Variants in ACER1 observed in about 807,000 individuals in gnomAD.
ACER1 encodes the protein alkaline ceramidase 1.
ACER1 carries 28 observed loss-of-function variants against 24.9 expected under a neutral mutation model. The observed-to-expected ratio is 1.13, with a 90% confidence interval of 0.83 to 1.54. The LOEUF (loss-of-function observed/expected upper bound fraction) is 1.54, where lower values mean the gene tolerates loss of function less well. Among genes scored for constraint, ACER1 ranks in the 40% most tolerant of loss-of-function variants. ACER1 has a pLI of 0.00. For missense variants in ACER1, 352 were observed against 349.3 expected (o/e 1.01, Z -0.06); for synonymous variants, 132 against 131.4 (o/e 1.00, Z -0.03).
chr19:6,327,746 T>A (rs2091668292), intron 1 of ACER1, among the ~76,000 whole-genome samples: 1 of 151,872 alleles, frequency 6.6e-6, no homozygotes, highest in Admixed American at 6.6e-5. Context: ...TTTTGTGACA[T>A]GTGAAAATTA....
chr19:6,322,785 G>A (rs181449777), intron 1 of ACER1, among the ~76,000 whole-genome samples: 55 of 152,100 alleles, frequency 3.6e-4, no homozygotes, highest in African/African-American at 9.9e-4. Flanking sequence ...TCCTAATAGC[G>A]AATGAGTCTC....
intron 1 of ACER1, among the ~76,000 whole-genome samples, chr19:6,321,755 G>A (rs1451677812): frequency 6.6e-6 from 1 of 152,142 alleles, no homozygotes; most frequent in East Asian, 1.9e-4. Context: ...CTACAGACAC[G>A]TGCCACCACA....
intron 4 of ACER1, among the ~76,000 whole-genome samples, chr19:6,308,451 A>C (rs2091562298): frequency 1.3e-5 from 2 of 152,036 alleles, no homozygotes; most frequent in Admixed American, 1.3e-4. Flanking sequence ...AAAAAAAAAA[A>C]AAAAGATATT....
At chr19:6,347,117 T>A in the ACER1 span, among the ~76,000 whole-genome samples, 26 of 127,494 alleles carry the variant, frequency 2.0e-4, no homozygotes, top group African/African-American at 9.0e-4. Context: ...AAAATATATA[T>A]ATATATATAT....
chr19:6,359,689 T>A, the ACER1 span, among the ~76,000 whole-genome samples: 3 of 152,154 alleles, frequency 2.0e-5, no homozygotes, highest in African/African-American at 7.2e-5. Flanking sequence ...TAGACTCCCA[T>A]GTGGGAGGAC....
intron 1 of ACER1, among the ~76,000 whole-genome samples, chr19:6,331,218 T>C (rs981041805): frequency 2.7e-5 from 4 of 147,198 alleles, no homozygotes; most frequent in Non-Finnish European, 5.9e-5. Flanking sequence ...GACACAATCT[T>C]GGCTCACTGC....
At chr19:6,348,934 T>C in the ACER1 span, among the ~76,000 whole-genome samples, 1 of 151,962 alleles carries the variant, frequency 6.6e-6, no homozygotes, top group South Asian at 2.1e-4. Flanking sequence ...CGGGTGCCTG[T>C]AGTCCCAGCT....
chr19:6,340,142 G>A, the ACER1 span, among the ~76,000 whole-genome samples: 1 of 151,550 alleles, frequency 6.6e-6, no homozygotes, highest in African/African-American at 2.4e-5. Flanking sequence ...TTAGCCAGGC[G>A]TGGTGGTGCG....
intron 1 of ACER1, among the ~76,000 whole-genome samples, chr19:6,322,121 G>T (rs1600240782): frequency 1.3e-5 from 2 of 152,274 alleles, no homozygotes; most frequent in East Asian, 1.9e-4. Context: ...ATCTTGCCTG[G>T]GAGTATCATG....
intron 1 of ACER1, among the ~76,000 whole-genome samples, chr19:6,330,538 T>C: frequency 6.7e-6 from 1 of 150,146 alleles, no homozygotes; most frequent in East Asian, 1.9e-4. Flanking sequence ...CTTGAACTTC[T>C]GGCCTCAAGT....
the ACER1 span, among the ~76,000 whole-genome samples, chr19:6,349,147 AAAGAAGG>A: frequency 4.6e-5 from 7 of 150,756 alleles, no homozygotes; most frequent in African/African-American, 1.2e-4. Flanking sequence ...AAGAAGAAAG[AAAGAAGG>A]AAGAAGGAAG....
rs576159806 is a variant in ACER1 at position 6,319,377 on chromosome 19, C to T, written c.94-6878G>A. On this transcript the variant is annotated intron_variant, in intron 1 of 5. Transcript: ENST00000301452. ...GCTTCTCATCCCACCCAGGCTCTGC[C>T]AGGCGGGGGAGACACCTGTCTGGGA... is the stretch of plus-strand genomic sequence containing the variant. Among the ~76,000 whole-genome samples the T allele has an allele frequency of 2.0e-5, 3 of 152,300 alleles. No homozygotes were observed. The East Asian group carries it at 5.8e-4, about 29-fold the overall frequency.
the ACER1 span, among the ~76,000 whole-genome samples, chr19:6,356,527 C>T: frequency 6.6e-6 from 1 of 151,854 alleles, no homozygotes; most frequent in African/African-American, 2.4e-5. Context: ...CTACCCATAC[C>T]CAGTTTAAGA....
At chr19:6,339,678 T>C in the ACER1 span, among the ~76,000 whole-genome samples, 1 of 152,144 alleles carries the variant, frequency 6.6e-6, no homozygotes, top group Admixed American at 6.6e-5. Context: ...TTTTGTTTTT[T>C]GTTTTTTGAG....
chr19:6,321,005 C>A (rs1280877860), intron 1 of ACER1, among the ~76,000 whole-genome samples: 3 of 149,446 alleles, frequency 2.0e-5, no homozygotes, highest in Non-Finnish European at 4.4e-5. Context: ...TTTTTTTTAA[C>A]ATCCCTATTT....
the ACER1 span, among the ~76,000 whole-genome samples, chr19:6,359,562 CAT>C: frequency 1.1e-3 from 168 of 152,118 alleles, no homozygotes; most frequent in African/African-American, 3.8e-3. Flanking sequence ...AGGTGATCCA[CAT>C]GTCTTGGGCT....
the ACER1 span, among the ~76,000 whole-genome samples, chr19:6,350,245 A>T: frequency 6.6e-6 from 1 of 152,080 alleles, no homozygotes; most frequent in Non-Finnish European, 1.5e-5. Flanking sequence ...AGGCAGGTGG[A>T]TCACAAGGTC....
the ACER1 span, among the ~76,000 whole-genome samples, chr19:6,357,682 G>A: frequency 6.6e-6 from 1 of 151,526 alleles, no homozygotes; most frequent in Non-Finnish European, 1.5e-5. Flanking sequence ...AGAATCGCTT[G>A]AACCGGAGAG....
At chr19:6,324,401 G>A (rs984657924) in intron 1 of ACER1, among the ~76,000 whole-genome samples, 1 of 151,856 alleles carries the variant, frequency 6.6e-6, no homozygotes, top group African/African-American at 2.4e-5. Context: ...CTGGAGTGCA[G>A]TGAAGTGATC....
Sources: allele counts gnomAD v4.1 joint callset (sites outside exome capture counted in the v4.1 genomes callset), GRCh38; gene constraint gnomAD v4.1.1; transcripts MANE v1.5; gene names NCBI Gene and HGNC (gene_info 2026-07-23, HGNC 2026-07-21).